PDE12: variants seen among roughly 807,000 people sequenced by gnomAD.
PDE12 encodes 2',5'-phosphodiesterase 12.
A neutral mutation model predicts 45.4 loss-of-function variants in PDE12; 26 were observed. The observed-to-expected ratio is 0.57, with a 90% CI of 0.42 to 0.79. The LOEUF (loss-of-function observed/expected upper bound fraction) is 0.79, where lower values mean the gene tolerates loss of function less well. Ranked by LOEUF, PDE12 falls within the 30% of genes least tolerant of loss-of-function variation. The probability of loss-of-function intolerance (pLI) is 0.00; values close to 1 mark genes in which losing one functional copy is unlikely to be tolerated. For synonymous variants in PDE12, 283 were observed against 323.9 expected (o/e 0.87, Z 1.36); for missense variants, 668 against 790.0 (o/e 0.85, Z 1.85).
chr3:57,585,921 C>T, the PDE12 span, among the ~76,000 whole-genome samples: 1 of 152,108 alleles, frequency 6.6e-6, no homozygotes, highest in African/African-American at 2.4e-5. Context: ...CTCAGCCTCT[C>T]AAAGTGCTGT....
the PDE12 span, among the ~76,000 whole-genome samples, chr3:57,620,819 A>G: frequency 6.6e-6 from 1 of 151,832 alleles, no homozygotes; most frequent in Non-Finnish European, 1.5e-5. Flanking sequence ...GCTGAGAGAA[A>G]GAAAACATAC....
chr3:57,560,592 T>C lies in PDE12; in HGVS notation c.*588T>C, dbSNP rs2069718736. 4.2e-6 allele frequency: 4 copies of C among 943,172 alleles called. No homozygotes were observed. The highest frequency in any genetic ancestry group is 5.1e-6 in the Non-Finnish European group (4 of 791,472). The allele number at this position is 943,172 out of a possible 1,614,324, so 58.4% of individuals were successfully genotyped here. Reference sequence around the variant, plus strand: ...CCACCCACCTCGGCCTCCCAAAGTGTTGGGATTACAGGCGTGAGCCACCGC... The same window carrying C: ...CCACCCACCTCGGCCTCCCAAAGTGCTGGGATTACAGGCGTGAGCCACCGC... On this transcript the variant is annotated 3_prime_UTR_variant, in exon 3 of 3. Transcript: ENST00000311180.
the PDE12 span, among the ~76,000 whole-genome samples, chr3:57,649,757 C>T: frequency 6.6e-6 from 1 of 151,706 alleles, no homozygotes; most frequent in Non-Finnish European, 1.5e-5. Flanking sequence ...TGCATGGATA[C>T]CCTCCTTACC....
chr3:57,616,474 G>A, the PDE12 span, among the ~76,000 whole-genome samples: 7 of 148,798 alleles, frequency 4.7e-5, no homozygotes, highest in South Asian at 1.5e-3. Flanking sequence ...GAGAAAGAAG[G>A]AAGAAGAAAG....
the PDE12 span, among the ~76,000 whole-genome samples, chr3:57,573,741 C>T: frequency 6.6e-6 from 1 of 151,952 alleles, no homozygotes; most frequent in African/African-American, 2.4e-5. Context: ...ACCACCACGA[C>T]CAGCTAATTT....
the PDE12 span, chr3:57,577,306 T>A: frequency 6.2e-7 from 1 of 1,607,788 alleles, no homozygotes. Context: ...ATTTAAAGTA[T>A]ATTTCTTACC....
Position 57,561,423 on chromosome 3 carries a change from G to T in PDE12, c.*1419G>T. 1.0e-6 allele frequency: 1 copy of T among 954,546 alleles called. No homozygotes were observed. Among genetic ancestry groups the T allele is most frequent in the Non-Finnish European group, 1.2e-6 (1 of 801,576 alleles). The allele number at this position is 954,546 out of a possible 1,614,324, so 59.1% of individuals were successfully genotyped here. On this transcript the variant is annotated 3_prime_UTR_variant, in exon 3 of 3. Coordinates refer to ENST00000311180, the MANE Select transcript of PDE12 (RefSeq NM_177966.7). ...GTTACAGACAACAGTGTGTATATAT[G>T]TAATATATATATAGTAAAATGAAAT... is the stretch of plus-strand genomic sequence containing the variant.
the PDE12 span, among the ~76,000 whole-genome samples, chr3:57,573,474 T>C: frequency 6.6e-6 from 1 of 152,316 alleles, no homozygotes; most frequent in Non-Finnish European, 1.5e-5. Flanking sequence ...ATTATTTGAA[T>C]ACCAAATCTC....
At chr3:57,625,933 C>T in the PDE12 span, 3 of 152,552 alleles carry the variant, frequency 2.0e-5, no homozygotes, top group African/African-American at 7.2e-5. Context: ...ATGACACCAA[C>T]AACTTACAAA....
chr3:57,605,384 A>T, the PDE12 span, among the ~76,000 whole-genome samples: 2 of 152,180 alleles, frequency 1.3e-5, no homozygotes, highest in African/African-American at 2.4e-5. Context: ...ATAAGGTTAG[A>T]GGAAACATTG....
chr3:57,581,705 C>G, the PDE12 span, among the ~76,000 whole-genome samples: 2 of 152,092 alleles, frequency 1.3e-5, no homozygotes. Context: ...GAGGCTGAGG[C>G]AGGAGAATCG....
chr3:57,575,557 A>C, the PDE12 span: 22 of 1,612,624 alleles, frequency 1.4e-5, no homozygotes, highest in East Asian at 4.9e-4. Context: ...CTGTTCTGTT[A>C]CGAAGAGACT....
the PDE12 span, among the ~76,000 whole-genome samples, chr3:57,601,416 A>G: frequency 6.6e-6 from 1 of 151,708 alleles, no homozygotes; most frequent in African/African-American, 2.4e-5. Context: ...GCCTCTGACT[A>G]TTTTTCTTAG....
the PDE12 span, among the ~76,000 whole-genome samples, chr3:57,609,263 A>G: frequency 2.6e-5 from 4 of 152,202 alleles, no homozygotes; most frequent in African/African-American, 9.6e-5. Flanking sequence ...TGTAGCACTA[A>G]ATGCCCACAA....
chr3:57,646,590 G>T, the PDE12 span: 1 of 1,132,874 alleles, frequency 8.8e-7, no homozygotes, highest in Non-Finnish European at 1.2e-6. Flanking sequence ...AGAATATGGT[G>T]ATGTATAGAG....
chr3:57,557,059 A>T lies in PDE12; in HGVS notation c.680A>T (p.Glu227Val). Residue 227 changes from glutamate to valine, a missense_variant, in exon 1 of 3, where the codon GAG becomes GTG. Coordinates refer to ENST00000311180, the MANE Select transcript of PDE12 (RefSeq NM_177966.7). ...TCCTCACCTTCTTCTTCTTGGACTG[A>T]GACTGATGTGGAGGAGCGTGTCTAC... ...SPSSPSSSWT[E>V]TDVEERVYTP... is the part of the protein sequence containing the mutation. The T allele has an allele frequency of 6.2e-7, 1 of 1,613,914 alleles. No homozygotes were observed. Among genetic ancestry groups the T allele is most frequent in the Non-Finnish European group, 8.5e-7 (1 of 1,179,994 alleles).
At chr3:57,633,303 A>T in the PDE12 span, 1 of 1,613,926 alleles carries the variant, frequency 6.2e-7, no homozygotes, top group South Asian at 1.1e-5. Context: ...TCCAAAAAAT[A>T]GCGTCGAAGA....
the PDE12 span, among the ~76,000 whole-genome samples, chr3:57,595,407 A>G: frequency 3.9e-5 from 6 of 152,332 alleles, no homozygotes; most frequent in South Asian, 6.2e-4. Context: ...CAGACTGCCA[A>G]CTTTCAGCCA....
At chr3:57,590,089 C>CAATCAATA in the PDE12 span, among the ~76,000 whole-genome samples, 1 of 135,164 alleles carries the variant, frequency 7.4e-6, no homozygotes, top group East Asian at 2.1e-4. Flanking sequence ...GACTCTGTCT[C>CAATCAATA]AATAAATAAA....
Sources: allele counts gnomAD v4.1 joint callset (sites outside exome capture counted in the v4.1 genomes callset), GRCh38; gene constraint gnomAD v4.1.1; transcripts MANE v1.5; gene names NCBI Gene and HGNC (gene_info 2026-07-23, HGNC 2026-07-21).